Variants in POTEJ observed in about 807,000 individuals in gnomAD.
POTEJ encodes POTE ankyrin domain family member J.
Under a neutral mutation model 69.0 loss-of-function variants are expected in POTEJ, and 11 were observed. The observed-to-expected ratio is 0.16, with a 90% CI of 0.10 to 0.26. The LOEUF (loss-of-function observed/expected upper bound fraction) is 0.26, where lower values mean the gene tolerates loss of function less well. POTEJ is among the 10% of genes least tolerant of loss of function. The pLI is 1.00. For missense variants in POTEJ, 327 were observed against 1,045.5 expected, an observed-to-expected ratio of 0.31 and a Z score of 9.48; for synonymous variants, 117 against 381.1, an observed-to-expected ratio of 0.31 and a Z score of 8.07.
intron 1 of POTEJ, 113 bp downstream of exon 1, chr2:130,612,055 C>T: frequency 6.3e-7 from 1 of 1,585,186 alleles, no homozygotes; most frequent in Non-Finnish European, 8.6e-7. Flanking sequence ...CCTCACACCA[C>T]CCTGGTTGTG....
In POTEJ at chr2:130,611,642, G is replaced by A. The variant is rs373986761; in HGVS notation, c.110G>A (p.Gly37Glu). ...CGCCACTGCTTCCCCTGCTGCAGGG[G>A]GAGCGGCAAGAGCAACGTGGGCACT... ...WCRHCFPCCRGSGKSNVGTSG... is the reference protein window; with the variant it reads ...WCRHCFPCCRESGKSNVGTSG... Residue 37 changes from glycine (G) to glutamate (E), a missense_variant, in exon 1 of 15, where the codon GGG becomes GAG. By Grantham distance (98) the Gly-to-Glu change is moderately conservative. Coordinates refer to ENST00000409602, the MANE Select transcript of POTEJ (RefSeq NM_001277083.2). The A allele has an allele frequency of 2.4e-4, 289 of 1,181,750 alleles. No individual in the cohort carries two copies. In the East Asian group the frequency reaches 3.5e-3, roughly 14 times the overall value. The allele number at this position is 1,181,750 out of a possible 1,614,324, so 73.2% of individuals were successfully genotyped here.
Position 130,630,981 on chromosome 2 carries a change from G to C in POTEJ, c.1087-428G>C, listed in dbSNP as rs182275324. Among the ~76,000 whole-genome samples the C allele has an allele frequency of 4.7e-3, 671 of 144,020 alleles. 42 individuals carry two copies. Among genetic ancestry groups the C allele is most frequent in the Admixed American group, 0.042 (618 of 14,692 alleles). The allele number at this position is 144,020 out of a possible 152,430, so 94.5% of individuals were successfully genotyped here. On this transcript the variant is annotated intron_variant, in intron 7 of 14. Transcript: ENST00000409602. The stretch of plus-strand genomic sequence containing the variant: ...TAGAAAAGCACTTCAGTGCACTGTA[G>C]GGGCTCACTTGTTAGGGTTTCATGA...
intron 1 of POTEJ, among the ~76,000 whole-genome samples, chr2:130,613,388 A>T (rs1311212444): frequency 7.4e-6 from 1 of 135,082 alleles, no homozygotes; most frequent in Non-Finnish European, 1.5e-5. Context: ...GTGTGTGTAT[A>T]TATATATATA....
At chr2:130,641,097 A>G (rs1573989507) in intron 10 of POTEJ, among the ~76,000 whole-genome samples, 2 of 152,204 alleles carry the variant, frequency 1.3e-5, no homozygotes, top group African/African-American at 4.8e-5. Flanking sequence ...GAAAGCCACC[A>G]TGATTATATG....
intron 9 of POTEJ, among the ~76,000 whole-genome samples, chr2:130,637,917 A>G (rs1185184815): frequency 6.8e-6 from 1 of 146,098 alleles, no homozygotes; most frequent in Non-Finnish European, 1.5e-5. Flanking sequence ...TCAACTCCGT[A>G]ATAGTGGACA....
chr2:130,648,181 G>A (rs1483464081), intron 13 of POTEJ, among the ~76,000 whole-genome samples: 1 of 145,502 alleles, frequency 6.9e-6, no homozygotes, highest in Non-Finnish European at 1.5e-5. Flanking sequence ...ATGATAATCA[G>A]CTTATGTAAT....
At chr2:130,642,832 T>C (rs1408476632) in intron 10 of POTEJ, among the ~76,000 whole-genome samples, 1 of 151,586 alleles carries the variant, frequency 6.6e-6, no homozygotes, top group South Asian at 2.1e-4. Context: ...GCTCCCGCTC[T>C]TGCTGCTGCG....
At chr2:130,641,632 C>T (rs1378211484) in intron 10 of POTEJ, among the ~76,000 whole-genome samples, 7 of 151,502 alleles carry the variant, frequency 4.6e-5, no homozygotes, top group African/African-American at 1.2e-4. Flanking sequence ...AGTATTTAAC[C>T]TGGACATGAG....
At chr2:130,642,785 T>A (rs1285982451) in intron 10 of POTEJ, among the ~76,000 whole-genome samples, 2 of 152,366 alleles carry the variant, frequency 1.3e-5, no homozygotes, top group East Asian at 1.9e-4. Context: ...CACTCATCCT[T>A]CTATTGTAGG....
intron 10 of POTEJ, among the ~76,000 whole-genome samples, chr2:130,640,249 A>T (rs1300722713): frequency 7.0e-6 from 1 of 142,816 alleles, no homozygotes; most frequent in Non-Finnish European, 1.5e-5. Flanking sequence ...AGAAGACAAG[A>T]TGCTTGAGTG....
At chr2:130,636,974 G>C (rs1686116302) in intron 9 of POTEJ, among the ~76,000 whole-genome samples, 1 of 146,630 alleles carries the variant, frequency 6.8e-6, no homozygotes, top group South Asian at 2.1e-4. Flanking sequence ...AGCTGCTATG[G>C]AGGCTGAGGC....
chr2:130,619,971 TA>T (rs1462977884), intron 3 of POTEJ, 73 bp from the exon 4 acceptor site: 1 of 1,588,934 alleles, frequency 6.3e-7, no homozygotes, highest in Admixed American at 1.8e-5. Context: ...AGATCTTATA[TA>T]AAGTTTCCAC....
chr2:130,640,935 T>A (rs1482738789), intron 10 of POTEJ, among the ~76,000 whole-genome samples: 1 of 152,056 alleles, frequency 6.6e-6, no homozygotes, highest in Non-Finnish European at 1.5e-5. Flanking sequence ...AGCAGGGGAG[T>A]CACAAGATTA....
At chr2:130,650,144 G>A (rs1457567357) in intron 13 of POTEJ, among the ~76,000 whole-genome samples, 3 of 152,280 alleles carry the variant, frequency 2.0e-5, no homozygotes, top group Non-Finnish European at 2.9e-5. Flanking sequence ...ATGAAACAAA[G>A]TGATTTATCA....
intron 9 of POTEJ, among the ~76,000 whole-genome samples, chr2:130,636,516 G>A (rs192024994): frequency 2.1e-5 from 3 of 145,228 alleles, no homozygotes; most frequent in African/African-American, 7.6e-5. Flanking sequence ...AGACTCTTCT[G>A]GCCATCTCAA....
At chr2:130,615,650 C>T (rs1422121885) in intron 1 of POTEJ, among the ~76,000 whole-genome samples, 478 of 141,420 alleles carry the variant, frequency 3.4e-3, no homozygotes, top group Middle Eastern at 0.011. Flanking sequence ...ATAGAACGAA[C>T]GGGTACTGGG....
At chr2:130,649,990 G>C (rs1281905356) in intron 13 of POTEJ, among the ~76,000 whole-genome samples, 2 of 152,296 alleles carry the variant, frequency 1.3e-5, no homozygotes, top group Non-Finnish European at 2.9e-5. Flanking sequence ...TCCTAGCCCA[G>C]AGAAAATGAA....
chr2:130,644,529 C>G (rs1306838131), intron 11 of POTEJ, among the ~76,000 whole-genome samples: 1 of 152,230 alleles, frequency 6.6e-6, no homozygotes, highest in African/African-American at 2.4e-5. Context: ...AAATCAGCAA[C>G]CTTGTTAACA....
intron 10 of POTEJ, among the ~76,000 whole-genome samples, chr2:130,643,436 T>C (rs1573991703): frequency 7.4e-6 from 1 of 135,962 alleles, no homozygotes; most frequent in East Asian, 2.0e-4. Flanking sequence ...GGAGAATCAC[T>C]TGAACCAGGG....
Sources: gnomAD v4.1 joint callset for allele counts (sites outside exome capture counted in the v4.1 genomes callset) on GRCh38, gnomAD v4.1.1 for gene constraint, MANE v1.5 for transcripts, NCBI Gene and HGNC (gene_info 2026-07-23, HGNC 2026-07-21) for gene names.